UNC5D: variants seen among roughly 807,000 people sequenced by gnomAD.
UNC5D encodes netrin receptor UNC5D.
In UNC5D, 39 loss-of-function variants were observed where a neutral mutation model predicts 105.4. The observed-to-expected ratio is 0.37, with a 90% CI of 0.29 to 0.48. UNC5D has a LOEUF of 0.48. Among genes scored for constraint, UNC5D ranks in the 20% least tolerant of loss-of-function variants. UNC5D has a pLI of 0.98. For missense variants in UNC5D, 991 were observed against 1,202.4 expected (o/e 0.82, Z 2.60); for synonymous variants, 452 against 450.4 (o/e 1.00, Z -0.04).
intron 4 of UNC5D, among the ~76,000 whole-genome samples, chr8:35,615,672 A>G (rs1820986963): frequency 6.6e-6 from 1 of 151,894 alleles, no homozygotes; most frequent in Admixed American, 6.6e-5. Context: ...GCTTTTTAAA[A>G]TTTTTCTCTT....
intron 1 of UNC5D, among the ~76,000 whole-genome samples, chr8:35,537,136 G>C (rs910955977): frequency 1.3e-5 from 2 of 152,080 alleles, no homozygotes; most frequent in Non-Finnish European, 2.9e-5. Context: ...CCTTAAAACT[G>C]TGTAAAACAT....
chr8:35,430,685 A>G (rs1382399011), intron 1 of UNC5D, among the ~76,000 whole-genome samples: 1 of 152,136 alleles, frequency 6.6e-6, no homozygotes, highest in African/African-American at 2.4e-5. Flanking sequence ...CTGATTGCTC[A>G]CTTGGTGGGT....
chr8:35,403,431 A>T lies in UNC5D; in HGVS notation c.104-145861A>T, dbSNP rs1018493263. Among the ~76,000 whole-genome samples the T allele has an allele frequency of 3.3e-5, 5 of 152,244 alleles. No individual in the cohort carries two copies. The South Asian group carries it at 8.3e-4, about 25-fold the overall frequency. On this transcript the variant is annotated intron_variant, in intron 1 of 16. Transcript: ENST00000404895. ...TGCATAGACTGTGAGTAAGACACTG[A>T]GCTAGGCACTGAGGACAGAGTCTTC...
intron 15 of UNC5D, among the ~76,000 whole-genome samples, chr8:35,767,318 T>C (rs573491586): frequency 1.9e-4 from 29 of 152,272 alleles, no homozygotes; most frequent in Non-Finnish European, 3.5e-4. Context: ...AAGGAACTGG[T>C]ACCAGGCTTT....
chr8:35,367,272 A>AT (rs1802171508), intron 1 of UNC5D, among the ~76,000 whole-genome samples: 1 of 152,020 alleles, frequency 6.6e-6, no homozygotes, highest in South Asian at 2.1e-4. Flanking sequence ...TGATATGTAA[A>AT]TTTTTACCTT....
intron 1 of UNC5D, among the ~76,000 whole-genome samples, chr8:35,287,846 T>C (rs1452848527): frequency 6.6e-6 from 1 of 151,934 alleles, no homozygotes; most frequent in Non-Finnish European, 1.5e-5. Flanking sequence ...AAATATACTT[T>C]AAAGCAGATT....
chr8:35,514,439 T>C (rs571297698), intron 1 of UNC5D, among the ~76,000 whole-genome samples: 126 of 152,334 alleles, frequency 8.3e-4, no homozygotes, highest in African/African-American at 2.8e-3. Flanking sequence ...TGGAAGTTGC[T>C]GCAACCAACC....
chr8:35,776,524 T>G (rs1347532939), intron 16 of UNC5D, among the ~76,000 whole-genome samples: 1 of 152,206 alleles, frequency 6.6e-6, no homozygotes, highest in Non-Finnish European at 1.5e-5. Flanking sequence ...CAACCTTTTG[T>G]ATCTGAGCAC....
At position 35,795,068 on chromosome 8, in the gene UNC5D, C is replaced by T. The variant is rs1803203891; in HGVS notation, c.*4505C>T. 1 of 152,130 alleles carries T rather than the reference C, an allele frequency of 6.6e-6. No homozygotes were observed. The highest frequency in any genetic ancestry group is 2.4e-5 in the African/African-American group (1 of 41,428). 9.4% of individuals were successfully genotyped at this position (152,130 alleles called of 1,614,324 possible). A position where few individuals can be genotyped will look rare whatever the true frequency, so the allele number is the denominator to read the frequency against. On this transcript the variant is annotated 3_prime_UTR_variant, in exon 17 of 17. Transcript: ENST00000404895. ...AGGCAGTAACATTTAAACTTCATGT[C>T]CTAGCACCCGCCCTCCATCTGACCC... is the stretch of plus-strand genomic sequence containing the variant.
chr8:35,438,494 A>T (rs1433352305), intron 1 of UNC5D, among the ~76,000 whole-genome samples: 1 of 152,016 alleles, frequency 6.6e-6, no homozygotes, highest in Non-Finnish European at 1.5e-5. Flanking sequence ...GCTTAAAATC[A>T]GGTCTGTTCT....
intron 1 of UNC5D, among the ~76,000 whole-genome samples, chr8:35,492,434 G>A (rs1811272513): frequency 6.6e-6 from 1 of 152,060 alleles, no homozygotes; most frequent in Admixed American, 6.6e-5. Context: ...CATCCTTAAT[G>A]AGGAAAAGCT....
chr8:35,405,385 T>A (rs1226565389), intron 1 of UNC5D, among the ~76,000 whole-genome samples: 2 of 152,228 alleles, frequency 1.3e-5, no homozygotes, highest in African/African-American at 4.8e-5. Flanking sequence ...ACTGAATAGA[T>A]AACATCATAG....
chr8:35,682,034 A>G (rs1392473508), intron 4 of UNC5D, among the ~76,000 whole-genome samples: 2 of 152,044 alleles, frequency 1.3e-5, no homozygotes, highest in African/African-American at 4.8e-5. Context: ...GCGCGATCTC[A>G]GCTCACTGTA....
chr8:35,393,296 G>C (rs1298996562), intron 1 of UNC5D, among the ~76,000 whole-genome samples: 1 of 151,278 alleles, frequency 6.6e-6, no homozygotes, highest in Non-Finnish European at 1.5e-5. Context: ...ACCTCGCCCG[G>C]CTAATTTTTT....
At chr8:35,355,326 C>T (rs1801487926) in intron 1 of UNC5D, among the ~76,000 whole-genome samples, 1 of 152,096 alleles carries the variant, frequency 6.6e-6, no homozygotes, top group Admixed American at 6.6e-5. Flanking sequence ...ATCAATTAAC[C>T]TGTGCTTCTG....
chr8:35,444,919 A>G (rs919482220), intron 1 of UNC5D, among the ~76,000 whole-genome samples: 3 of 152,060 alleles, frequency 2.0e-5, no homozygotes, highest in African/African-American at 7.2e-5. Context: ...ATTTTGACCA[A>G]TTGTAATTGT....
chr8:35,296,304 A>C (rs1339753143), intron 1 of UNC5D, among the ~76,000 whole-genome samples: 1 of 152,070 alleles, frequency 6.6e-6, no homozygotes, highest in African/African-American at 2.4e-5. Flanking sequence ...TTTTCTCTCC[A>C]TCCTTTGACA....
rs570197389 is a variant in UNC5D, at chr8:35,629,536, C to T, written c.570+33879C>T. Among the ~76,000 whole-genome samples the T allele has an allele frequency of 4.8e-3, 729 of 152,006 alleles. 1 individual carries two copies. Among genetic ancestry groups the T allele is most frequent in the Non-Finnish European group, 8.2e-3 (557 of 67,966 alleles). On this transcript the variant is annotated intron_variant, in intron 4 of 16. Transcript: ENST00000404895. The stretch of plus-strand genomic sequence containing the variant: ...AAGATGGAAATAATAGACACTAGGA[C>T]TCCAAAATGGGGGTAGGAGAGGGGA...
At chr8:35,271,825 G>A (rs1166234030) in intron 1 of UNC5D, among the ~76,000 whole-genome samples, 1 of 151,448 alleles carries the variant, frequency 6.6e-6, no homozygotes, top group Non-Finnish European at 1.5e-5. Flanking sequence ...CGTTGCTATA[G>A]GCAGGGGATA....
Sources: gnomAD v4.1 joint callset for allele counts (sites outside exome capture counted in the v4.1 genomes callset) on GRCh38, gnomAD v4.1.1 for gene constraint, MANE v1.5 for transcripts, NCBI Gene and HGNC (gene_info 2026-07-23, HGNC 2026-07-21) for gene names.